POC1B: variants seen among roughly 807,000 people sequenced by gnomAD.
POC1B encodes POC1 centriolar protein B, also known as POC1 centriolar protein homolog B.
Under a neutral mutation model 60.6 loss-of-function variants are expected in POC1B, and 44 were observed. The observed-to-expected ratio is 0.73, with a 90% CI of 0.57 to 0.93. The LOEUF is 0.93. Ranked by LOEUF, POC1B falls within the 40% of genes least tolerant of loss-of-function variation. The pLI is 0.00. For missense variants in POC1B, 555 were observed against 572.3 expected (o/e 0.97, Z 0.31); for synonymous variants, 180 against 198.9 (o/e 0.90, Z 0.80).
chr12:89,442,514 A>C (rs1881571450), intron 10 of POC1B, among the ~76,000 whole-genome samples: 1 of 152,198 alleles, frequency 6.6e-6, no homozygotes, highest in South Asian at 2.1e-4. Flanking sequence ...TAAGCTTCAT[A>C]AGTGAAGGAA....
intron 10 of POC1B, among the ~76,000 whole-genome samples, chr12:89,438,530 C>T (rs1336878242): frequency 6.6e-6 from 1 of 152,240 alleles, no homozygotes; most frequent in Non-Finnish European, 1.5e-5. Context: ...AATTATCAAA[C>T]ATTTTTCAAA....
chr12:89,523,580 G>A, intron 2 of POC1B: 1 of 1,578,678 alleles, frequency 6.3e-7, no homozygotes. Flanking sequence ...TACGTTCCAA[G>A]GTACTGAAAA....
At chr12:89,484,243 A>C (rs1207042565) in intron 4 of POC1B, among the ~76,000 whole-genome samples, 1 of 152,228 alleles carries the variant, frequency 6.6e-6, no homozygotes, top group Non-Finnish European at 1.5e-5. Flanking sequence ...AAATGGGATA[A>C]AGAGAAAACA....
intron 4 of POC1B, among the ~76,000 whole-genome samples, chr12:89,478,207 T>C (rs1010220496): frequency 1.3e-5 from 2 of 152,172 alleles, no homozygotes; most frequent in Non-Finnish European, 2.9e-5. Flanking sequence ...CCTCCTGGGT[T>C]CAAGCGATTC....
chr12:89,440,977 T>G (rs1359559361), intron 10 of POC1B, among the ~76,000 whole-genome samples: 3 of 152,248 alleles, frequency 2.0e-5, no homozygotes, highest in Non-Finnish European at 1.5e-5. Flanking sequence ...ATCCTGCACA[T>G]GGCTTGGAGG....
intron 11 of POC1B, among the ~76,000 whole-genome samples, chr12:89,424,503 T>C (rs146289159): frequency 8.1e-4 from 123 of 152,306 alleles, no homozygotes; most frequent in African/African-American, 2.9e-3. Context: ...CTCTGACAAA[T>C]ATTAGTATTT....
chr12:89,502,668 A>G, intron 2 of POC1B: 2 of 1,336,296 alleles, frequency 1.5e-6, no homozygotes, highest in Non-Finnish European at 2.1e-6. Flanking sequence ...TTTGTTAAGC[A>G]TGGTGAGTTG....
At chr12:89,464,910 C>G (rs1009863382) in intron 9 of POC1B, among the ~76,000 whole-genome samples, 3 of 151,502 alleles carry the variant, frequency 2.0e-5, no homozygotes, top group African/African-American at 7.3e-5. Context: ...TTTACAAAAG[C>G]AAGTCATGTT....
At chr12:89,482,030 A>C (rs1868380175) in intron 4 of POC1B, among the ~76,000 whole-genome samples, 1 of 152,232 alleles carries the variant, frequency 6.6e-6, no homozygotes, top group African/African-American at 2.4e-5. Context: ...TCAAAAATTT[A>C]GCCATGTTTG....
chr12:89,421,914 T>C (rs1458516778), intron 11 of POC1B, among the ~76,000 whole-genome samples: 1 of 152,122 alleles, frequency 6.6e-6, no homozygotes, highest in Admixed American at 6.6e-5. Flanking sequence ...TTAGAACACA[T>C]CCAGAATACA....
chr12:89,444,792 A>G (rs1221470289), intron 10 of POC1B, among the ~76,000 whole-genome samples: 1 of 152,208 alleles, frequency 6.6e-6, no homozygotes, highest in Admixed American at 6.5e-5. Context: ...AGGGTATTCA[A>G]TTAGGAAAAG....
At chr12:89,444,036 C>T (rs1445945347) in intron 10 of POC1B, among the ~76,000 whole-genome samples, 1 of 152,134 alleles carries the variant, frequency 6.6e-6, no homozygotes, top group Non-Finnish European at 1.5e-5. Flanking sequence ...CACATACATC[C>T]TCCCAAGACT....
chr12:89,448,372 CCTAA>C (rs1207073512), intron 10 of POC1B, among the ~76,000 whole-genome samples: 2 of 152,136 alleles, frequency 1.3e-5, no homozygotes, highest in Non-Finnish European at 2.9e-5. Flanking sequence ...TAAAAATCAC[CCTAA>C]CTAAATTTGA....
At chr12:89,471,037 T>C (rs1043229629) in intron 6 of POC1B, among the ~76,000 whole-genome samples, 1 of 152,238 alleles carries the variant, frequency 6.6e-6, no homozygotes, top group Non-Finnish European at 1.5e-5. Flanking sequence ...GCAAGTTAAT[T>C]ACCCTATTTA....
intron 2 of POC1B, chr12:89,522,712 G>C: frequency 6.9e-7 from 1 of 1,451,324 alleles, no homozygotes; most frequent in South Asian, 1.5e-5. Context: ...TGACTGCTAG[G>C]TGGCTTTTGA....
chr12:89,415,836 C>T (rs1258677293), downstream of POC1B, among the ~76,000 whole-genome samples: 1 of 151,906 alleles, frequency 6.6e-6, no homozygotes, highest in African/African-American at 2.4e-5. Flanking sequence ...ATGGCATAGC[C>T]AGAATTTGCA....
chr12:89,459,017 A>T (rs1486202223), intron 10 of POC1B, among the ~76,000 whole-genome samples: 1 of 152,164 alleles, frequency 6.6e-6, no homozygotes, highest in Non-Finnish European at 1.5e-5. Context: ...ATAATCCATC[A>T]AAAGAGATTA....
intron 9 of POC1B, 111 bp from the exon 10 acceptor site, chr12:89,459,829 TTGG>T: frequency 1.7e-6 from 1 of 579,820 alleles, no homozygotes; most frequent in East Asian, 3.1e-5. Context: ...TTAAAATATA[TTGG>T]TATATTCATT....
Position 89,472,194 on chromosome 12 carries a change from A to G in POC1B, c.534T>C (p.Cys178=). 2 of 1,599,024 alleles carry G rather than the reference A, an allele frequency of 1.3e-6. No homozygotes were observed. The highest frequency in any genetic ancestry group is 1.7e-6 in the Non-Finnish European group (2 of 1,166,656). The change falls in exon 5 of 12, where the codon TGT becomes TGC. Residue 178 remains cysteine (C), a synonymous_variant. Transcript: ENST00000313546. ...IKIWDTTNKQ[C]VNNFSDSVGF... ...CAACGGAATCTGAGAAGTTATTAAC[A>G]CATTGCTTATTTGTGGTATCCCAAA...
Sources: allele counts gnomAD v4.1 joint callset (sites outside exome capture counted in the v4.1 genomes callset), GRCh38; gene constraint gnomAD v4.1.1; transcripts MANE v1.5; gene names NCBI Gene and HGNC (gene_info 2026-07-23, HGNC 2026-07-21).